NFIC: variants seen among roughly 807,000 people sequenced by gnomAD.
The protein encoded by NFIC is nuclear factor 1 C-type.
In NFIC, 12 loss-of-function variants were observed where a neutral mutation model predicts 54.4. The observed-to-expected ratio is 0.22, with a 90% confidence interval of 0.14 to 0.36. NFIC has a LOEUF of 0.36. Among genes scored for constraint, NFIC ranks in the 10% least tolerant of loss-of-function variants. NFIC has a pLI of 1.00. For missense variants in NFIC, 575 were observed against 718.2 expected, an observed-to-expected ratio of 0.80 and a Z score of 2.28; for synonymous variants, 322 against 319.2, an observed-to-expected ratio of 1.01 and a Z score of -0.09.
At position 3,458,166 on chromosome 19, in the gene NFIC, A is replaced by T. The variant is rs1164244269; in HGVS notation, c.1509+1531A>T. Among the ~76,000 whole-genome samples the T allele has an allele frequency of 2.0e-5, 3 of 152,146 alleles. No homozygotes were observed. The highest frequency in any genetic ancestry group is 7.2e-5 in the African/African-American group (3 of 41,434). ...CTGCCTTGCACCCATAGAGCCCCGG[A>T]GAGGGAGTAACTTGGTCAGGGTCCC... is the stretch of plus-strand genomic sequence containing the variant. On this transcript the variant is annotated intron_variant, in intron 10 of 10. Coordinates refer to ENST00000443272, the MANE Select transcript of NFIC (RefSeq NM_001245002.2). The surrounding 1 kb of genome is among the most constrained non-coding windows in gnomAD (Gnocchi z 4.1).
At chr19:3,388,780 A>C (rs1246052342) in intron 2 of NFIC, among the ~76,000 whole-genome samples, 1 of 151,448 alleles carries the variant, frequency 6.6e-6, no homozygotes, top group East Asian at 1.9e-4. Flanking sequence ...GTGAGCTGTG[A>C]TCCCACCACT....
At chr19:3,367,791 T>C (rs923858511) in intron 1 of NFIC, among the ~76,000 whole-genome samples, 30 of 151,726 alleles carry the variant, frequency 2.0e-4, no homozygotes, top group African/African-American at 7.0e-4. Context: ...TCCCGGCACG[T>C]GGGGGGTGCG....
At chr19:3,437,235 G>A (rs947944083) in intron 6 of NFIC, among the ~76,000 whole-genome samples, 16 of 152,122 alleles carry the variant, frequency 1.1e-4, no homozygotes, top group Non-Finnish European at 1.9e-4. Context: ...GGGCGTGGCG[G>A]CGGGTGCCTG....
rs534578633 is a variant in NFIC at position 3,410,192 on chromosome 19, C to T, written c.563-14914C>T. On this transcript the variant is annotated intron_variant, in intron 2 of 10. Transcript: ENST00000443272. Reference sequence around the variant, plus strand: ...AGTAGCTGGGACTACAGGCGCCTGCCACCACGCCCGGCTTTTTTTTTGTAT... The same window carrying T: ...AGTAGCTGGGACTACAGGCGCCTGCTACCACGCCCGGCTTTTTTTTTGTAT... Among the ~76,000 whole-genome samples, 644 of 152,250 alleles carry T rather than the reference C, an allele frequency of 4.2e-3. 2 individuals are homozygous for T. Among genetic ancestry groups the T allele is most frequent in the Non-Finnish European group, 6.6e-3 (451 of 68,036 alleles).
At chr19:3,434,927 G>C (rs528491773) in intron 5 of NFIC, 156 bp from the exon 6 acceptor site, 84 of 1,011,374 alleles carry the variant, frequency 8.3e-5, no homozygotes, top group Non-Finnish European at 1.2e-4. Flanking sequence ...GGCGTTCGTA[G>C]GGAACGGGCT....
At chr19:3,386,512 G>C (rs949298776) in intron 2 of NFIC, among the ~76,000 whole-genome samples, 1 of 151,850 alleles carries the variant, frequency 6.6e-6, no homozygotes, top group South Asian at 2.1e-4. Context: ...TAGTAGAGAC[G>C]GGCTTTCACC....
chr19:3,438,434 T>C (rs1331045599), intron 6 of NFIC, among the ~76,000 whole-genome samples: 2 of 149,764 alleles, frequency 1.3e-5, no homozygotes, highest in African/African-American at 4.9e-5. Flanking sequence ...GGTTTCTTTT[T>C]TTTTTTTTTT....
intron 6 of NFIC, among the ~76,000 whole-genome samples, chr19:3,443,299 G>A (rs995305715): frequency 3.3e-5 from 5 of 151,928 alleles, no homozygotes; most frequent in African/African-American, 1.2e-4. Flanking sequence ...GCGTGTGCCT[G>A]TAGTCCCAGC....
chr19:3,394,520 C>CCCT (rs2081428646), intron 2 of NFIC, among the ~76,000 whole-genome samples: 2 of 46,708 alleles, frequency 4.3e-5, no homozygotes, highest in Non-Finnish European at 6.7e-5. Flanking sequence ...CTTTTCCCCA[C>CCCT]CCACCCCCCA....
intron 2 of NFIC, among the ~76,000 whole-genome samples, chr19:3,389,568 G>A (rs1359576719): frequency 6.6e-6 from 1 of 152,166 alleles, no homozygotes; most frequent in Non-Finnish European, 1.5e-5. Flanking sequence ...AGTGTGGGGC[G>A]CATTCTTCTC....
intron 2 of NFIC, among the ~76,000 whole-genome samples, chr19:3,388,796 C>T (rs2081336724): frequency 6.6e-6 from 1 of 151,840 alleles, no homozygotes; most frequent in Non-Finnish European, 1.5e-5. Context: ...CCACTGCACT[C>T]CAGCCTGGGT....
chr19:3,377,496 G>C (rs1242622281), intron 1 of NFIC, among the ~76,000 whole-genome samples: 1 of 152,086 alleles, frequency 6.6e-6, no homozygotes, highest in Admixed American at 6.6e-5. Context: ...AGCCCAGCCT[G>C]GTCAAGGCAG....
intron 2 of NFIC, among the ~76,000 whole-genome samples, chr19:3,416,442 G>A (rs528645222): frequency 1.2e-4 from 18 of 150,030 alleles, no homozygotes; most frequent in East Asian, 3.9e-4. Flanking sequence ...ATATACTTAC[G>A]CCATTAAATA....
intron 2 of NFIC, among the ~76,000 whole-genome samples, chr19:3,398,887 T>C (rs1229431657): frequency 6.6e-6 from 1 of 152,220 alleles, no homozygotes; most frequent in African/African-American, 2.4e-5. Context: ...CTGGTGCGAA[T>C]TCATAGGCGA....
At chr19:3,435,251 CACCGT>C in intron 6 of NFIC, 44 bp downstream of exon 6, 1 of 1,518,578 alleles carries the variant, frequency 6.6e-7, no homozygotes, top group East Asian at 2.5e-5. Context: ...CGGTCTGAGT[CACCGT>C]GGCGGGAACT....
At chr19:3,444,511 G>A (rs574258790) in intron 6 of NFIC, among the ~76,000 whole-genome samples, 19 of 152,194 alleles carry the variant, frequency 1.2e-4, no homozygotes, top group African/African-American at 3.6e-4. Context: ...GCTTGGAGGC[G>A]GGGTGCAGAG....
chr19:3,456,620 C>A lies in NFIC; in HGVS notation c.1494C>A (p.Gly498=). Residue 498 remains glycine, a synonymous_variant, in exon 10 of 11, where the codon GGC becomes GGA. Coordinates refer to ENST00000443272, the MANE Select transcript of NFIC (RefSeq NM_001245002.2). ...FVGLGPRDPA[G]IYQAQSWYLG The stretch of plus-strand genomic sequence containing the variant: ...GATTAGGACCAAGGGATCCTGCGGG[C>A]ATTTATCAGGCACAGGTAGGGGCCG... 2 of 1,400,222 alleles carry A rather than the reference C, an allele frequency of 1.4e-6. No individual in the cohort carries two copies. Among genetic ancestry groups the A allele is most frequent in the Non-Finnish European group, 1.9e-6 (2 of 1,049,180 alleles). 86.7% of individuals were successfully genotyped at this position (1,400,222 alleles called of 1,614,324 possible).
At chr19:3,404,852 C>G (rs1330043461) in intron 2 of NFIC, among the ~76,000 whole-genome samples, 1 of 152,170 alleles carries the variant, frequency 6.6e-6, no homozygotes, top group Admixed American at 6.5e-5. Context: ...ACCCGCTGCC[C>G]AGGCCGGACA....
Position 3,420,814 on chromosome 19 carries a change from C to T in NFIC, c.563-4292C>T, listed in dbSNP as rs113547935. Among the ~76,000 whole-genome samples, 652 of 152,046 alleles carry T rather than the reference C, an allele frequency of 4.3e-3. 6 individuals carry two copies. Among genetic ancestry groups the T allele is most frequent in the South Asian group, 0.017 (82 of 4,798 alleles). Reference sequence around the variant, plus strand: ...CTGGGCTCACTGCAAAATCCGCCTCCCGAGTTCAAGAGATTCTCCTGCCTC... The same window carrying T: ...CTGGGCTCACTGCAAAATCCGCCTCTCGAGTTCAAGAGATTCTCCTGCCTC... On this transcript the variant is annotated intron_variant, in intron 2 of 10. Transcript: ENST00000443272.
Sources: allele counts gnomAD v4.1 joint callset (sites outside exome capture counted in the v4.1 genomes callset), GRCh38; gene constraint gnomAD v4.1.1; non-coding constraint Gnocchi (gnomAD v3.1); transcripts MANE v1.5; gene names NCBI Gene and HGNC (gene_info 2026-07-23, HGNC 2026-07-21).